Variants in SH3PXD2B observed in about 807,000 individuals in gnomAD.
The protein encoded by SH3PXD2B is SH3 and PX domains 2B, also known as SH3 and PX domain-containing protein 2B.
In SH3PXD2B, 37 loss-of-function variants were observed where a neutral mutation model predicts 73.1. The observed-to-expected ratio is 0.51, with a 90% confidence interval of 0.39 to 0.67. The LOEUF (loss-of-function observed/expected upper bound fraction) is 0.67. Ranked by LOEUF, SH3PXD2B falls within the 30% of genes least tolerant of loss-of-function variation. SH3PXD2B has a pLI of 0.00. For missense variants in SH3PXD2B, 1,053 were observed against 1,197.8 expected, an observed-to-expected ratio of 0.88 and a Z score of 1.78; for synonymous variants, 457 against 480.5, an observed-to-expected ratio of 0.95 and a Z score of 0.64.
At chr5:172,394,776 C>T in intron 3 of SH3PXD2B, 137 bp from the exon 4 acceptor site, 1 of 820,042 alleles carries the variant, frequency 1.2e-6, no homozygotes, top group East Asian at 2.7e-5. Flanking sequence ...CAAGGTACCC[C>T]CACTGGACTT....
At chr5:172,372,013 G>A (rs1302212981) in intron 6 of SH3PXD2B, among the ~76,000 whole-genome samples, 1 of 152,220 alleles carries the variant, frequency 6.6e-6, no homozygotes, top group Admixed American at 6.5e-5. Context: ...GGAAAAGGCT[G>A]AAGTTAATTC....
At position 172,337,241 on chromosome 5, in the gene SH3PXD2B, T is replaced by G. The variant is rs1756723858; in HGVS notation, c.*1128A>C. ...TGTGGGAGCAGCCACGAATGCCCCC[T>G]CACCCCCCTCACAATGAAGCCACTT... On this transcript the variant is annotated 3_prime_UTR_variant, in exon 13 of 13. Transcript: ENST00000311601. 1 of 985,518 alleles carries G rather than the reference T, an allele frequency of 1.0e-6. No homozygotes were observed. Among genetic ancestry groups the G allele is most frequent in the Non-Finnish European group, 1.2e-6 (1 of 829,990 alleles). 61.0% of individuals were successfully genotyped at this position (985,518 alleles called of 1,614,324 possible).
rs1758968839 is a variant in SH3PXD2B, at chr5:172,421,825, T to C, written c.156+591A>G. Among the ~76,000 whole-genome samples, 1 of 152,222 alleles carries C rather than the reference T, an allele frequency of 6.6e-6. No individual in the cohort carries two copies. The highest frequency in any genetic ancestry group is 1.5e-5 in the Non-Finnish European group (1 of 68,032). On this transcript the variant is annotated intron_variant, in intron 2 of 12. Coordinates refer to ENST00000311601, the MANE Select transcript of SH3PXD2B (RefSeq NM_001017995.3). This position sits in a 1 kb window ranked among gnomAD's most constrained non-coding sequence, Gnocchi z 4.0. ...CCCAGCTCACCAGCAAACACGATTA[T>C]TGTTTAAAACTTAAGTTCAAACACT...
intron 1 of SH3PXD2B, among the ~76,000 whole-genome samples, chr5:172,439,252 A>AC: frequency 2.7e-5 from 2 of 73,846 alleles, no homozygotes; most frequent in African/African-American, 7.8e-5. Flanking sequence ...AAAAAAAAAG[A>AC]AAAAAAAAAA....
chr5:172,359,857 G>A (rs13182040), intron 7 of SH3PXD2B, among the ~76,000 whole-genome samples: 1 of 151,980 alleles, frequency 6.6e-6, no homozygotes, highest in African/African-American at 2.4e-5. Flanking sequence ...TAATCCCAGG[G>A]GTCCTTAATA....
intron 4 of SH3PXD2B, 37 bp downstream of exon 4, chr5:172,394,520 ATACACC>A: frequency 6.3e-7 from 1 of 1,599,248 alleles, no homozygotes; most frequent in Non-Finnish European, 8.6e-7. Flanking sequence ...AGAAAACAGA[ATACACC>A]TACAGGGAAG....
At chr5:172,440,161 G>A (rs559275271) in intron 1 of SH3PXD2B, among the ~76,000 whole-genome samples, 5 of 152,218 alleles carry the variant, frequency 3.3e-5, no homozygotes, top group Non-Finnish European at 7.3e-5. Context: ...GGCCTCTCTC[G>A]TGTTGACAGA....
chr5:172,417,448 C>T (rs1480275120), intron 2 of SH3PXD2B, among the ~76,000 whole-genome samples: 1 of 152,180 alleles, frequency 6.6e-6, no homozygotes, highest in Non-Finnish European at 1.5e-5. Flanking sequence ...TGCCTAGATC[C>T]AGCCACACCT....
In SH3PXD2B at chr5:172,336,715, C is replaced by G. The variant is rs985368501; in HGVS notation, c.*1654G>C. 55 of 983,054 alleles carry G rather than the reference C, an allele frequency of 5.6e-5. No individual in the cohort carries two copies. Among genetic ancestry groups the G allele is most frequent in the Non-Finnish European group, 6.3e-5 (52 of 828,810 alleles). The allele number at this position is 983,054 out of a possible 1,614,324, so 60.9% of individuals were successfully genotyped here. On this transcript the variant is annotated 3_prime_UTR_variant, in exon 13 of 13. Transcript: ENST00000311601. ...CAGGGTGGGGAGGGGCGGGGCAGGG[C>G]AGGGCAGGGCTGCCTCGGTCGGGTA...
Position 172,339,978 on chromosome 5 carries a change from T to G in SH3PXD2B, c.1189-62A>C. 1 of 1,603,428 alleles carries G rather than the reference T, an allele frequency of 6.2e-7. No homozygotes were observed. The highest frequency in any genetic ancestry group is 8.5e-7 in the Non-Finnish European group (1 of 1,175,028). On this transcript the variant is annotated intron_variant, in intron 12 of 12. Coordinates refer to ENST00000311601, the MANE Select transcript of SH3PXD2B (RefSeq NM_001017995.3). The surrounding 1 kb of genome is among the most constrained non-coding windows in gnomAD (Gnocchi z 6.1). ...TGCCAGGGCCAGCAGATGGAATGGT[T>G]TGGCAGAACCCATGTGCAACTGGAG...
intron 1 of SH3PXD2B, among the ~76,000 whole-genome samples, chr5:172,439,680 GCGCACGCGCGCGCACACA>G (rs1759499682): frequency 4.3e-5 from 4 of 93,884 alleles, no homozygotes; most frequent in African/African-American, 2.3e-4. Flanking sequence ...GCGTGCGTGC[GCGCACGCGCGCGCACACA>G]CACACACACA....
rs1230764798 is a variant in SH3PXD2B at position 172,335,688 on chromosome 5, T to C, written c.*2681A>G. 3 of 1,231,592 alleles carry C rather than the reference T, an allele frequency of 2.4e-6. No individual in the cohort carries two copies. Among genetic ancestry groups the C allele is most frequent in the African/African-American group, 3.1e-5 (2 of 64,410 alleles). The allele number at this position is 1,231,592 out of a possible 1,614,324, so 76.3% of individuals were successfully genotyped here. A position where few individuals can be genotyped will look rare whatever the true frequency, so the allele number is the denominator to read the frequency against. On this transcript the variant is annotated 3_prime_UTR_variant, in exon 13 of 13. Coordinates refer to ENST00000311601, the MANE Select transcript of SH3PXD2B (RefSeq NM_001017995.3). Reference sequence around the variant, plus strand: ...GGGAGTTCTGCATATGCGCCATCAATCGCTCACAGAATAGCGACCACAGTC... The same window carrying C: ...GGGAGTTCTGCATATGCGCCATCAACCGCTCACAGAATAGCGACCACAGTC...
Position 172,334,497 on chromosome 5 carries a change from CG to C in SH3PXD2B, c.*3871del. 1.0e-6 allele frequency: 1 copy of C among 985,642 alleles called. No homozygotes were observed. Among genetic ancestry groups the C allele is most frequent in the Non-Finnish European group, 1.2e-6 (1 of 830,134 alleles). The allele number at this position is 985,642 out of a possible 1,614,324, so 61.1% of individuals were successfully genotyped here. A position where few individuals can be genotyped will look rare whatever the true frequency, so the allele number is the denominator to read the frequency against. ...CAGTCTACACAACAGCCCTGCAGAA[CG>C]GGCCTGGACAACCCTTGGGGGATAA... On this transcript the variant is annotated 3_prime_UTR_variant, in exon 13 of 13. Coordinates refer to ENST00000311601, the MANE Select transcript of SH3PXD2B (RefSeq NM_001017995.3).
chr5:172,389,873 C>G (rs765680471), intron 4 of SH3PXD2B, among the ~76,000 whole-genome samples: 1 of 152,134 alleles, frequency 6.6e-6, no homozygotes, highest in Admixed American at 6.5e-5. Flanking sequence ...CCCCACACTG[C>G]CCCCTTCTGT....
chr5:172,430,577 C>A (rs759522143), intron 1 of SH3PXD2B, among the ~76,000 whole-genome samples: 1 of 152,266 alleles, frequency 6.6e-6, no homozygotes, highest in African/African-American at 2.4e-5. Context: ...GCCTGACTGG[C>A]GCCCAGGCTT....
chr5:172,334,601 G>A lies in SH3PXD2B; in HGVS notation c.*3768C>T. The A allele has an allele frequency of 1.0e-6, 1 of 985,520 alleles. No homozygotes were observed. The highest frequency in any genetic ancestry group is 1.7e-5 in the African/African-American group (1 of 57,380). 61.0% of individuals were successfully genotyped at this position (985,520 alleles called of 1,614,324 possible). A position where few individuals can be genotyped will look rare whatever the true frequency, so the allele number is the denominator to read the frequency against. ...GAAAGGTACGGCCTCCAAGGGGGCA[G>A]CTTAAGCCAACATGTAAGACTTGGG... On this transcript the variant is annotated 3_prime_UTR_variant, in exon 13 of 13. Transcript: ENST00000311601.
At chr5:172,431,011 C>T (rs977154386) in intron 1 of SH3PXD2B, among the ~76,000 whole-genome samples, 2 of 152,122 alleles carry the variant, frequency 1.3e-5, no homozygotes, top group Non-Finnish European at 2.9e-5. Flanking sequence ...GGATTACAGG[C>T]GCCCATCACC....
chr5:172,439,293 CCCAA>C (rs1759486059), intron 1 of SH3PXD2B, among the ~76,000 whole-genome samples: 1 of 61,590 alleles, frequency 1.6e-5, no homozygotes. Flanking sequence ...AAAAAAAAAC[CCCAA>C]AAAAAAACCA....
chr5:172,416,161 C>A (rs1456111726), intron 2 of SH3PXD2B, among the ~76,000 whole-genome samples: 1 of 152,068 alleles, frequency 6.6e-6, no homozygotes, highest in Non-Finnish European at 1.5e-5. Context: ...GACTCCGTCT[C>A]TACAAAAATT....
Sources: allele counts gnomAD v4.1 joint callset (sites outside exome capture counted in the v4.1 genomes callset), GRCh38; gene constraint gnomAD v4.1.1; non-coding constraint Gnocchi (gnomAD v3.1); transcripts MANE v1.5; gene names NCBI Gene and HGNC (gene_info 2026-07-23, HGNC 2026-07-21).